Variants in QTMAN observed in about 807,000 individuals in gnomAD.
The protein encoded by QTMAN is tRNA-queuosine alpha-mannosyltransferase.
the QTMAN span, among the ~76,000 whole-genome samples, chr2:144,068,074 T>A: frequency 2.0e-5 from 3 of 152,228 alleles, no homozygotes; most frequent in Non-Finnish European, 1.5e-5. Flanking sequence ...ATGATTCTCT[T>A]TTTAAAGGGT....
chr2:143,938,729 T>A, the QTMAN span: 1 of 152,194 alleles, frequency 6.6e-6, no homozygotes, highest in Admixed American at 6.5e-5. Context: ...GTGGTTCCAG[T>A]CAAATGATTT....
At chr2:143,960,218 TATG>T in the QTMAN span, among the ~76,000 whole-genome samples, 1 of 152,076 alleles carries the variant, frequency 6.6e-6, no homozygotes, top group Non-Finnish European at 1.5e-5. Flanking sequence ...TTGAAGTATG[TATG>T]ATAAGTACAC....
the QTMAN span, among the ~76,000 whole-genome samples, chr2:144,321,534 G>A: frequency 2.6e-5 from 4 of 152,088 alleles, no homozygotes; most frequent in Non-Finnish European, 2.9e-5. Context: ...GTAGATTGAC[G>A]GTACTAGAAA....
At chr2:144,020,109 T>C in the QTMAN span, among the ~76,000 whole-genome samples, 16 of 152,054 alleles carry the variant, frequency 1.1e-4, no homozygotes, top group Non-Finnish European at 1.8e-4. Flanking sequence ...GAACTTGTGA[T>C]ATGCAAGTGC....
At chr2:144,182,257 C>T in the QTMAN span, among the ~76,000 whole-genome samples, 2 of 151,716 alleles carry the variant, frequency 1.3e-5, no homozygotes, top group Non-Finnish European at 2.9e-5. Flanking sequence ...TTTTTTAATC[C>T]ATATAAATTG....
the QTMAN span, among the ~76,000 whole-genome samples, chr2:144,269,050 A>C: frequency 7.9e-5 from 12 of 152,150 alleles, no homozygotes; most frequent in African/African-American, 2.9e-4. Flanking sequence ...CAGCCTCCCC[A>C]AGTGCTGGGA....
At chr2:144,315,494 T>G in the QTMAN span, among the ~76,000 whole-genome samples, 1 of 152,202 alleles carries the variant, frequency 6.6e-6, no homozygotes, top group African/African-American at 2.4e-5. Flanking sequence ...AAGATAGAAA[T>G]ACAACTTCAT....
At chr2:144,061,156 C>A in the QTMAN span, among the ~76,000 whole-genome samples, 3 of 152,036 alleles carry the variant, frequency 2.0e-5, no homozygotes, top group Non-Finnish European at 4.4e-5. Flanking sequence ...CCTGAAAAAA[C>A]AGGACCAAAA....
At chr2:144,247,693 G>C in the QTMAN span, among the ~76,000 whole-genome samples, 1 of 151,822 alleles carries the variant, frequency 6.6e-6, no homozygotes, top group Non-Finnish European at 1.5e-5. Flanking sequence ...TCTTTTTTTT[G>C]ACAGGGTCTC....
the QTMAN span, among the ~76,000 whole-genome samples, chr2:144,025,168 C>CT: frequency 6.6e-6 from 1 of 152,166 alleles, no homozygotes; most frequent in Admixed American, 6.5e-5. Context: ...CCATCACTCT[C>CT]TAACAGCCTA....
At chr2:144,182,871 TATTA>T in the QTMAN span, among the ~76,000 whole-genome samples, 1 of 74,784 alleles carries the variant, frequency 1.3e-5, no homozygotes, top group Non-Finnish European at 2.3e-5. Flanking sequence ...AATATATATA[TATTA>T]TATATATATT....
At chr2:144,164,685 G>A in the QTMAN span, among the ~76,000 whole-genome samples, 1 of 152,224 alleles carries the variant, frequency 6.6e-6, no homozygotes, top group African/African-American at 2.4e-5. Flanking sequence ...AGAACATTCT[G>A]TCAGTCTTTT....
chr2:144,134,617 C>T, the QTMAN span, among the ~76,000 whole-genome samples: 4 of 152,168 alleles, frequency 2.6e-5, no homozygotes, highest in African/African-American at 9.6e-5. Context: ...GAAATAGGAA[C>T]AGACAGTGAA....
chr2:144,251,968 G>T, the QTMAN span, among the ~76,000 whole-genome samples: 1 of 152,028 alleles, frequency 6.6e-6, no homozygotes, highest in South Asian at 2.1e-4. Context: ...GGTGGAGGTG[G>T]AAGGACTGCT....
At chr2:143,989,802 T>C in the QTMAN span, among the ~76,000 whole-genome samples, 4 of 152,138 alleles carry the variant, frequency 2.6e-5, no homozygotes, top group Non-Finnish European at 5.9e-5. Flanking sequence ...TGTTTCATAA[T>C]CAGTAAAAGT....
chr2:144,049,888 T>C, the QTMAN span, among the ~76,000 whole-genome samples: 2 of 152,182 alleles, frequency 1.3e-5, no homozygotes, highest in African/African-American at 4.8e-5. Context: ...TTTCTAGATA[T>C]AATTAAGCCA....
At chr2:144,137,298 T>C in the QTMAN span, among the ~76,000 whole-genome samples, 2 of 152,138 alleles carry the variant, frequency 1.3e-5, no homozygotes, top group African/African-American at 4.8e-5. Flanking sequence ...AGCTGTACAA[T>C]CATGGAGAAA....
At chr2:144,247,420 A>G in the QTMAN span, among the ~76,000 whole-genome samples, 1 of 152,256 alleles carries the variant, frequency 6.6e-6, no homozygotes, top group Non-Finnish European at 1.5e-5. Flanking sequence ...ATGCTCATCT[A>G]TGAATAATAG....
the QTMAN span, among the ~76,000 whole-genome samples, chr2:143,973,531 C>T: frequency 6.6e-6 from 1 of 151,890 alleles, no homozygotes; most frequent in Middle Eastern, 3.2e-3. Context: ...TGGCTCACGC[C>T]TGTAATCCCA....
Sources: allele counts gnomAD v4.1 joint callset (sites outside exome capture counted in the v4.1 genomes callset), GRCh38; gene constraint gnomAD v4.1.1; transcripts MANE v1.5; gene names NCBI Gene and HGNC (gene_info 2026-07-23, HGNC 2026-07-21).